NKD1: variants seen among roughly 807,000 people sequenced by gnomAD.
The protein encoded by NKD1 is protein naked cuticle homolog 1.
A neutral mutation model predicts 56.0 loss-of-function variants in NKD1; 21 were observed. The ratio of observed to expected loss-of-function variants is 0.38; its 90% CI spans 0.27 to 0.54. The LOEUF is 0.54. NKD1 is among the 20% of genes least tolerant of loss of function. The pLI, the probability that NKD1 is intolerant of heterozygous loss-of-function variation, is 0.82. For synonymous variants in NKD1, 263 were observed against 265.7 expected, an observed-to-expected ratio of 0.99 and a Z score of 0.10; for missense variants, 578 against 642.7, an observed-to-expected ratio of 0.90 and a Z score of 1.09.
At chr16:50,625,374 G>A (rs1259613699) in intron 5 of NKD1, 111 bp from the exon 6 acceptor site, 1 of 754,420 alleles carries the variant, frequency 1.3e-6, no homozygotes, top group Admixed American at 1.8e-5. Flanking sequence ...GTCTGGGGAG[G>A]GCAGAGGACA....
Position 50,550,496 on chromosome 16 carries a change from G to A in NKD1, c.192+941G>A, listed in dbSNP as rs997511257. On this transcript the variant is annotated intron_variant, in intron 3 of 9. Coordinates refer to ENST00000268459, the MANE Select transcript of NKD1 (RefSeq NM_033119.5). ...TTTGGGTGGTGGGACCTGGCAGCTC[G>A]CTTGCAGTGCTGGTGTCGGGAGGTG... 4.6e-5 allele frequency among the ~76,000 whole-genome samples: 7 copies of A among 152,046 alleles called. No individual in the cohort carries two copies. The East Asian group carries it at 9.6e-4, about 21-fold the overall frequency.
At chr16:50,608,201 AATC>A in intron 3 of NKD1, 90 bp from the exon 4 acceptor site, 2 of 869,558 alleles carry the variant, frequency 2.3e-6, no homozygotes, top group Non-Finnish European at 4.0e-6. Context: ...CAATCAGAAG[AATC>A]AGCCCAGGGT....
At chr16:50,562,221 C>G (rs1011209676) in intron 3 of NKD1, 16 of 726,578 alleles carry the variant, frequency 2.2e-5, no homozygotes, top group Non-Finnish European at 2.5e-5. Flanking sequence ...TGAGACGCTG[C>G]TGAATGAGCA....
At chr16:50,576,163 G>T in intron 3 of NKD1, among the ~76,000 whole-genome samples, 1 of 152,180 alleles carries the variant, frequency 6.6e-6, no homozygotes, top group East Asian at 1.9e-4. Context: ...ATGCTAGTTT[G>T]CCCTTACTCT....
intron 3 of NKD1, among the ~76,000 whole-genome samples, chr16:50,568,324 G>T (rs984842654): frequency 1.3e-5 from 2 of 152,224 alleles, no homozygotes; most frequent in African/African-American, 4.8e-5. Context: ...TCAGAGAGGG[G>T]AAGAAACTGA....
intron 3 of NKD1, among the ~76,000 whole-genome samples, chr16:50,577,232 C>G (rs537033868): frequency 6.6e-6 from 1 of 151,944 alleles, no homozygotes; most frequent in Non-Finnish European, 1.5e-5. Context: ...ACCTTCCCAG[C>G]GGAGGGTTGT....
intron 3 of NKD1, among the ~76,000 whole-genome samples, chr16:50,571,729 C>A (rs1439901834): frequency 1.3e-5 from 2 of 152,182 alleles, no homozygotes; most frequent in Non-Finnish European, 2.9e-5. Context: ...AGCCATCATC[C>A]TGTTGCTCCT....
intron 3 of NKD1, among the ~76,000 whole-genome samples, chr16:50,604,011 C>T (rs1481467162): frequency 2.0e-5 from 3 of 152,236 alleles, no homozygotes; most frequent in Admixed American, 2.0e-4. Flanking sequence ...CCTGGAGACC[C>T]AGGAAGGTCT....
At chr16:50,564,018 G>A (rs1960702425) in intron 3 of NKD1, among the ~76,000 whole-genome samples, 1 of 152,276 alleles carries the variant, frequency 6.6e-6, no homozygotes, top group African/African-American at 2.4e-5. Flanking sequence ...CAGTGGGCAG[G>A]GAGGCGTCAA....
At position 50,621,610 on chromosome 16, in the gene NKD1, C is replaced by T. The variant is rs1469955965; in HGVS notation, c.268C>T (p.Pro90Ser). ...GCCTGCCTCCCCGACAGTGGCCCTG[C>T]CTCCTGAGAAGACTGACGGGCTGGG... ...EDDFRLEVALPPEKTDGLGSG... is the reference protein window; with the variant it reads ...EDDFRLEVALSPEKTDGLGSG... Residue 90 changes from proline to serine, a missense_variant, in exon 5 of 10, where the codon CCT becomes TCT. Physicochemically the swap from Pro to Ser is moderately conservative, Grantham distance 74. Transcript: ENST00000268459. 1.9e-6 allele frequency: 3 copies of T among 1,613,226 alleles called. No homozygotes were observed. Among genetic ancestry groups the T allele is most frequent in the Non-Finnish European group, 2.5e-6 (3 of 1,179,526 alleles).
At chr16:50,566,960 G>A (rs1260401096) in intron 3 of NKD1, among the ~76,000 whole-genome samples, 1 of 152,088 alleles carries the variant, frequency 6.6e-6, no homozygotes, top group East Asian at 1.9e-4. Context: ...CCAATTTCAG[G>A]GCACCTATGG....
Position 50,632,229 on chromosome 16 carries a change from G to GCCCCCACC in NKD1, c.696-51_696-44dup. The GCCCCCACC allele has an allele frequency of 6.2e-7, 1 of 1,602,740 alleles. No individual in the cohort carries two copies. Among genetic ancestry groups the GCCCCCACC allele is most frequent in the East Asian group, 2.2e-5 (1 of 44,750 alleles). ...GGGCTTCCTAGTAGCCTATGCGCTT[G>GCCCCCACC]CCCCCACCTGGTGGTTGGTGTTATC... On this transcript the variant is annotated intron_variant, in intron 8 of 9. Coordinates refer to ENST00000268459, the MANE Select transcript of NKD1 (RefSeq NM_033119.5). This position sits in a 1 kb window ranked among gnomAD's most constrained non-coding sequence, Gnocchi z 4.1.
chr16:50,565,099 GGTGT>G (rs778135073), intron 3 of NKD1, among the ~76,000 whole-genome samples: 13 of 152,216 alleles, frequency 8.5e-5, no homozygotes, highest in African/African-American at 3.1e-4. Flanking sequence ...ATAGAGGCTG[GGTGT>G]GGTGGCTCAT....
At chr16:50,596,927 T>A (rs1280447162) in intron 3 of NKD1, among the ~76,000 whole-genome samples, 2 of 152,078 alleles carry the variant, frequency 1.3e-5, no homozygotes, top group African/African-American at 4.8e-5. Flanking sequence ...GAATGGGGAA[T>A]GAGCTGAACC....
At position 50,633,491 on chromosome 16, in the gene NKD1, A is replaced by T; in HGVS notation, c.1123A>T (p.Ile375Phe). The change falls in exon 10 of 10, where the codon ATC (isoleucine) becomes TTC (phenylalanine). Residue 375 changes from isoleucine to phenylalanine, a missense_variant. Coordinates refer to ENST00000268459, the MANE Select transcript of NKD1 (RefSeq NM_033119.5). This position sits in a 1 kb window ranked among gnomAD's most constrained non-coding sequence, Gnocchi z 4.9. ...ARNKPPLGPA[I>F]PAVSPSAHLA... ...AAACAAGCCCCCTCTGGGACCCGCCATCCCTGCGGTGTCCCCCTCCGCCCA... is the reference window on the plus strand; with the variant it reads ...AAACAAGCCCCCTCTGGGACCCGCCTTCCCTGCGGTGTCCCCCTCCGCCCA... 1 of 1,609,858 alleles carries T rather than the reference A, an allele frequency of 6.2e-7. No homozygotes were observed. The highest frequency in any genetic ancestry group is 1.3e-5 in the African/African-American group (1 of 74,938).
At chr16:50,621,555 GC>G in intron 4 of NKD1, 46 bp from the exon 5 acceptor site, 1 of 1,406,702 alleles carries the variant, frequency 7.1e-7, no homozygotes, top group Admixed American at 1.7e-5. Flanking sequence ...TGGCTGCCCG[GC>G]GTCTGGACCC....
rs376330630 is a variant in NKD1 at position 50,633,546 on chromosome 16, C to G, written c.1178C>G (p.Ser393Cys). Residue 393 changes from serine (S) to cysteine (C), a missense_variant, in exon 10 of 10, where the codon TCC (serine) becomes TGC (cysteine). Transcript: ENST00000268459. The surrounding 1 kb of genome is among the most constrained non-coding windows in gnomAD (Gnocchi z 4.9). ...GCTGCCAGCCCGGCCCTCCTCCCCTCCCTAGCCCCCCTCGGGCACAAGAAG... is the reference window on the plus strand; with the variant it reads ...GCTGCCAGCCCGGCCCTCCTCCCCTGCCTAGCCCCCCTCGGGCACAAGAAG... ...HLAASPALLPSLAPLGHKKHK... is the reference protein window; with the variant it reads ...HLAASPALLPCLAPLGHKKHK... 2.8e-5 allele frequency: 45 copies of G among 1,611,080 alleles called. No individual in the cohort carries two copies. The highest frequency in any genetic ancestry group is 3.6e-5 in the Non-Finnish European group (43 of 1,179,304).
At chr16:50,572,328 T>TA (rs1960902601) in intron 3 of NKD1, among the ~76,000 whole-genome samples, 1 of 152,224 alleles carries the variant, frequency 6.6e-6, no homozygotes, top group Non-Finnish European at 1.5e-5. Flanking sequence ...GATATTGTCA[T>TA]TAACTCCTGG....
intron 3 of NKD1, among the ~76,000 whole-genome samples, chr16:50,575,529 C>T (rs562745157): frequency 6.6e-6 from 1 of 152,186 alleles, no homozygotes; most frequent in Non-Finnish European, 1.5e-5. Flanking sequence ...GGGCTCCTTC[C>T]CCGGGCTGTG....
Sources: gnomAD v4.1 joint callset for allele counts (sites outside exome capture counted in the v4.1 genomes callset) on GRCh38, gnomAD v4.1.1 for gene constraint, Gnocchi (gnomAD v3.1) non-coding constraint, MANE v1.5 for transcripts, NCBI Gene and HGNC (gene_info 2026-07-23, HGNC 2026-07-21) for gene names.